Variants in CDH9 observed in about 807,000 individuals in gnomAD.
The protein encoded by CDH9 is cadherin-9.
A neutral mutation model predicts 70.9 loss-of-function variants in CDH9; 28 were observed. That is an observed-to-expected ratio of 0.40 (90% confidence interval 0.29 to 0.54). The LOEUF (loss-of-function observed/expected upper bound fraction) is 0.54. Ranked by LOEUF, CDH9 falls within the 20% of genes least tolerant of loss-of-function variation. CDH9 has a pLI of 0.59. For synonymous variants in CDH9, 409 were observed against 343.1 expected (o/e 1.19, Z -2.12); for missense variants, 874 against 984.4 (o/e 0.89, Z 1.50).
chr5:26,924,823 A>G (rs113368816), intron 2 of CDH9, among the ~76,000 whole-genome samples: 3,647 of 150,870 alleles, frequency 0.024, 137 homozygotes, highest in African/African-American at 0.086. Context: ...TGTCCTTGTG[A>G]TAGTTTGCCG....
intron 2 of CDH9, among the ~76,000 whole-genome samples, chr5:26,920,808 T>G (rs1420165585): frequency 2.6e-5 from 4 of 152,230 alleles, no homozygotes. Flanking sequence ...GATTCTCTTA[T>G]GCAGATATGG....
intron 1 of CDH9, among the ~76,000 whole-genome samples, chr5:27,021,335 T>A (rs1258169220): frequency 6.6e-6 from 1 of 151,782 alleles, no homozygotes; most frequent in Admixed American, 6.6e-5. Context: ...GATCTACAAT[T>A]GTATATTCCC....
intron 1 of CDH9, among the ~76,000 whole-genome samples, chr5:26,998,106 C>T (rs1742697989): frequency 6.6e-6 from 1 of 152,090 alleles, no homozygotes; most frequent in Admixed American, 6.5e-5. Context: ...AAGGGCATTC[C>T]ACACCCAGCA....
At chr5:27,030,951 C>A (rs1743300912) in intron 1 of CDH9, among the ~76,000 whole-genome samples, 1 of 151,720 alleles carries the variant, frequency 6.6e-6, no homozygotes, top group Non-Finnish European at 1.5e-5. Context: ...ATGCTAACTA[C>A]TAAAAATATC....
intron 2 of CDH9, among the ~76,000 whole-genome samples, chr5:26,979,512 G>A (rs182593167): frequency 3.3e-5 from 5 of 151,682 alleles, no homozygotes; most frequent in East Asian, 3.9e-4. Flanking sequence ...ACAAGAAAAC[G>A]GCAGACTTAA....
At chr5:26,890,861 G>A (rs910417244) in intron 7 of CDH9, 10 of 284,158 alleles carry the variant, frequency 3.5e-5, no homozygotes, top group Admixed American at 1.9e-4. Flanking sequence ...TTATCCTATC[G>A]TAGGCCTACT....
intron 2 of CDH9, among the ~76,000 whole-genome samples, chr5:26,986,831 G>A (rs189077156): frequency 1.3e-5 from 2 of 152,120 alleles, no homozygotes; most frequent in Non-Finnish European, 2.9e-5. Flanking sequence ...GATGCCATAT[G>A]ACTAACCTGA....
intron 3 of CDH9, among the ~76,000 whole-genome samples, chr5:26,909,015 A>C (rs568528671): frequency 6.6e-6 from 1 of 152,108 alleles, no homozygotes; most frequent in African/African-American, 2.4e-5. Flanking sequence ...ATGCAGTCTC[A>C]CTCTGTAGCC....
At chr5:26,934,268 C>T (rs1020954496) in intron 2 of CDH9, among the ~76,000 whole-genome samples, 3 of 151,996 alleles carry the variant, frequency 2.0e-5, no homozygotes, top group Non-Finnish European at 4.4e-5. Flanking sequence ...GAGTTTGTGA[C>T]CAGCCTGAAC....
At chr5:26,893,348 TA>T (rs1162293429) in intron 7 of CDH9, among the ~76,000 whole-genome samples, 1 of 152,174 alleles carries the variant, frequency 6.6e-6, no homozygotes, top group Non-Finnish European at 1.5e-5. Context: ...GTGGAATGGC[TA>T]AAAACTTATA....
chr5:26,885,494 T>C (rs1426520777), intron 11 of CDH9, 120 bp downstream of exon 11: 2 of 883,812 alleles, frequency 2.3e-6, no homozygotes, highest in Non-Finnish European at 3.4e-6. Flanking sequence ...AGAATTTTAA[T>C]AAAAAGTGAA....
chr5:26,994,756 T>G (rs1742639658), intron 1 of CDH9, among the ~76,000 whole-genome samples: 1 of 152,160 alleles, frequency 6.6e-6, no homozygotes, highest in Non-Finnish European at 1.5e-5. Context: ...TATAGCAGCA[T>G]GGACTGACTA....
At chr5:26,955,725 A>G (rs1741936102) in intron 2 of CDH9, among the ~76,000 whole-genome samples, 1 of 152,138 alleles carries the variant, frequency 6.6e-6, no homozygotes, top group Admixed American at 6.5e-5. Flanking sequence ...AGGAGCCATC[A>G]TTCATCTTAT....
At chr5:27,024,552 C>T (rs2112128972) in intron 1 of CDH9, among the ~76,000 whole-genome samples, 1 of 152,124 alleles carries the variant, frequency 6.6e-6, no homozygotes, top group African/African-American at 2.4e-5. Context: ...GTGAAATTAT[C>T]TTGAGCCACT....
At chr5:26,975,417 T>C (rs1742289430) in intron 2 of CDH9, among the ~76,000 whole-genome samples, 1 of 152,226 alleles carries the variant, frequency 6.6e-6, no homozygotes, top group South Asian at 2.1e-4. Context: ...TACCATCACC[T>C]ATGATATAAA....
intron 2 of CDH9, among the ~76,000 whole-genome samples, chr5:26,970,869 A>G (rs1742207493): frequency 6.6e-6 from 1 of 152,158 alleles, no homozygotes; most frequent in African/African-American, 2.4e-5. Flanking sequence ...TCAAATGTCT[A>G]GTGTAAATAT....
At chr5:26,960,646 A>G (rs575200768) in intron 2 of CDH9, among the ~76,000 whole-genome samples, 3 of 152,152 alleles carry the variant, frequency 2.0e-5, no homozygotes, top group Non-Finnish European at 2.9e-5. Context: ...TAATACAATG[A>G]TAACACTTTA....
intron 1 of CDH9, among the ~76,000 whole-genome samples, chr5:27,012,972 T>C (rs1334048649): frequency 2.0e-5 from 3 of 151,968 alleles, no homozygotes; most frequent in Admixed American, 6.6e-5. Flanking sequence ...ATGATAATAA[T>C]AGTCATTTAT....
At chr5:26,928,505 T>C (rs763672461) in intron 2 of CDH9, among the ~76,000 whole-genome samples, 1 of 152,048 alleles carries the variant, frequency 6.6e-6, no homozygotes. Flanking sequence ...TTAAAATTTT[T>C]ATGGACTCAC....
Sources: allele counts gnomAD v4.1 joint callset (sites outside exome capture counted in the v4.1 genomes callset), GRCh38; gene constraint gnomAD v4.1.1; transcripts MANE v1.5; gene names NCBI Gene and HGNC (gene_info 2026-07-23, HGNC 2026-07-21).